GUCY2C: variants seen among roughly 807,000 people sequenced by gnomAD.
GUCY2C encodes the protein guanylate cyclase 2C, also known as guanylyl cyclase C.
In GUCY2C, 118 loss-of-function variants were observed where a neutral mutation model predicts 131.1. That is an observed-to-expected ratio of 0.90 (90% CI 0.78 to 1.05). GUCY2C has a LOEUF of 1.05. Ranked by LOEUF, GUCY2C falls within the 50% of genes least tolerant of loss-of-function variation. The pLI is 0.00. For missense variants in GUCY2C, 1,161 were observed against 1,304.4 expected, an observed-to-expected ratio of 0.89 and a Z score of 1.69; for synonymous variants, 452 against 457.8, an observed-to-expected ratio of 0.99 and a Z score of 0.16.
chr12:14,651,356 G>C, intron 15 of GUCY2C, 51 bp downstream of exon 15: 1 of 905,438 alleles, frequency 1.1e-6, no homozygotes, highest in Non-Finnish European at 1.8e-6. Flanking sequence ...TAAAAGGCCT[G>C]CTGAATATTT....
At chr12:14,673,521 A>AAT (rs1446315367) in intron 8 of GUCY2C, among the ~76,000 whole-genome samples, 1 of 152,232 alleles carries the variant, frequency 6.6e-6, no homozygotes, top group East Asian at 1.9e-4. Context: ...TCCTGTTTAC[A>AAT]ATATACCAGG....
chr12:14,625,967 AC>A, intron 20 of GUCY2C, 52 bp from the exon 21 acceptor site: 1 of 1,047,556 alleles, frequency 9.5e-7, no homozygotes. Context: ...GAAAACATGA[AC>A]ATCCAATAAA....
chr12:14,623,666 A>T (rs777177731), intron 21 of GUCY2C, among the ~76,000 whole-genome samples: 1 of 152,130 alleles, frequency 6.6e-6, no homozygotes, highest in Non-Finnish European at 1.5e-5. Context: ...GTAATCCCCA[A>T]TGTTAAGGGA....
At chr12:14,681,625 C>A (rs1948350589) in intron 4 of GUCY2C, 148 bp from the exon 5 acceptor site, 1 of 643,222 alleles carries the variant, frequency 1.6e-6, no homozygotes, top group Non-Finnish European at 2.7e-6. Context: ...CACCATGATA[C>A]CACTAGTTTA....
intron 15 of GUCY2C, among the ~76,000 whole-genome samples, chr12:14,649,996 C>G (rs1213956516): frequency 6.6e-6 from 1 of 152,140 alleles, no homozygotes; most frequent in Non-Finnish European, 1.5e-5. Flanking sequence ...TATTCTTTCA[C>G]AATTAAAACA....
At chr12:14,695,380 G>A (rs746736906) in intron 1 of GUCY2C, among the ~76,000 whole-genome samples, 8 of 151,992 alleles carry the variant, frequency 5.3e-5, no homozygotes, top group Non-Finnish European at 1.0e-4. Context: ...TATTAACTAT[G>A]TCTAGTAATC....
intron 10 of GUCY2C, among the ~76,000 whole-genome samples, chr12:14,666,943 G>A (rs76046249): frequency 0.014 from 2,095 of 152,246 alleles, 50 homozygotes; most frequent in African/African-American, 0.046. Flanking sequence ...AAGTAAAGTT[G>A]CTCAGGATAA....
chr12:14,630,334 G>A (rs1441875168), intron 19 of GUCY2C, among the ~76,000 whole-genome samples: 1 of 152,070 alleles, frequency 6.6e-6, no homozygotes, highest in Non-Finnish European at 1.5e-5. Context: ...CCTTAGAGCA[G>A]AATAGGCAGA....
At chr12:14,647,214 T>G (rs1159381357) in intron 15 of GUCY2C, among the ~76,000 whole-genome samples, 1 of 152,230 alleles carries the variant, frequency 6.6e-6, no homozygotes, top group Non-Finnish European at 1.5e-5. Context: ...ATAAATCATC[T>G]GCTTGTTCAT....
At chr12:14,674,486 A>G (rs1479550101) in intron 8 of GUCY2C, 139 bp downstream of exon 8, 1 of 816,182 alleles carries the variant, frequency 1.2e-6, no homozygotes, top group Admixed American at 1.7e-5. Context: ...AGTTTATGTA[A>G]TGATGTTTGC....
chr12:14,650,037 G>T (rs1043648172), intron 15 of GUCY2C, among the ~76,000 whole-genome samples: 1 of 151,754 alleles, frequency 6.6e-6, no homozygotes, highest in Admixed American at 6.6e-5. Context: ...TCCCAATTTC[G>T]TGTATTTGCA....
intron 1 of GUCY2C, among the ~76,000 whole-genome samples, chr12:14,692,064 G>A (rs1232028348): frequency 6.6e-6 from 1 of 152,198 alleles, no homozygotes; most frequent in Non-Finnish European, 1.5e-5. Context: ...CTAGAACTTT[G>A]ATATGCTGTA....
intron 6 of GUCY2C, among the ~76,000 whole-genome samples, chr12:14,677,329 A>G (rs1178834957): frequency 6.6e-6 from 1 of 152,182 alleles, no homozygotes; most frequent in Non-Finnish European, 1.5e-5. Context: ...ATTTAGAGAT[A>G]TTGAGACATG....
chr12:14,622,603 C>T (rs1273286226), intron 21 of GUCY2C, among the ~76,000 whole-genome samples: 1 of 152,176 alleles, frequency 6.6e-6, no homozygotes, highest in Non-Finnish European at 1.5e-5. Context: ...ACTTAAATCA[C>T]CACAGGTATC....
chr12:14,685,506 G>C (rs1380637042), intron 3 of GUCY2C, among the ~76,000 whole-genome samples: 1 of 152,176 alleles, frequency 6.6e-6, no homozygotes, highest in Non-Finnish European at 1.5e-5. Context: ...AAAGGAACTT[G>C]AGCAGGATTT....
intron 5 of GUCY2C, 121 bp from the exon 6 acceptor site, chr12:14,679,874 C>T (rs1948312161): frequency 1.8e-6 from 1 of 567,950 alleles, no homozygotes; most frequent in South Asian, 2.4e-5. Flanking sequence ...AGATAAACTC[C>T]AATTCCTTAA....
At chr12:14,649,765 G>T (rs578094169) in intron 15 of GUCY2C, among the ~76,000 whole-genome samples, 1 of 151,976 alleles carries the variant, frequency 6.6e-6, no homozygotes, top group East Asian at 1.9e-4. Context: ...AATTAGAAAC[G>T]TTTTTCACAT....
chr12:14,674,385 C>G (rs1291186272), intron 8 of GUCY2C: 1 of 540,362 alleles, frequency 1.9e-6, no homozygotes, highest in African/African-American at 1.9e-5. Flanking sequence ...AAGTACAGAA[C>G]CTGCGCTACC....
rs756960206 is a variant in GUCY2C, at chr12:14,683,219, C to T, written c.434G>A (p.Gly145Glu). 2 of 1,613,600 alleles carry T rather than the reference C, an allele frequency of 1.2e-6. No homozygotes were observed. The highest frequency in any genetic ancestry group is 1.7e-6 in the Non-Finnish European group (2 of 1,179,608). The change falls in exon 4 of 27, where the codon GGA (glycine) becomes GAA (glutamate). Residue 145 changes from glycine (G) to glutamate (E), a missense_variant. Coordinates refer to ENST00000261170, the MANE Select transcript of GUCY2C (RefSeq NM_004963.4). Reference protein sequence around the residue: ...TELSYPMISAGSFGLSCDYKE... With the variant: ...TELSYPMISAESFGLSCDYKE... Reference sequence around the variant, plus strand: ...ATAGTCACATGACAATCCAAAACTTCCAGCTGAGATCATGGGGTAGCTCAA... The same window carrying T: ...ATAGTCACATGACAATCCAAAACTTTCAGCTGAGATCATGGGGTAGCTCAA...
Sources: allele counts gnomAD v4.1 joint callset (sites outside exome capture counted in the v4.1 genomes callset), GRCh38; gene constraint gnomAD v4.1.1; transcripts MANE v1.5; gene names NCBI Gene and HGNC (gene_info 2026-07-23, HGNC 2026-07-21).